The following ZFHX2 variants were observed in gnomAD, a reference collection of about 807,000 sequenced individuals.
The protein encoded by ZFHX2 is zinc finger homeobox protein 2.
ZFHX2 carries 75 observed loss-of-function variants against 164.8 expected under a neutral mutation model. That is an observed-to-expected ratio of 0.46 (90% CI 0.38 to 0.55). The LOEUF is 0.55. ZFHX2 is among the 20% of genes least tolerant of loss of function. The pLI is 0.00. For synonymous variants in ZFHX2, 1,217 were observed against 1,351.4 expected (o/e 0.90, Z 2.18); for missense variants, 2,933 against 3,308.0 (o/e 0.89, Z 2.78).
At chr14:23,542,334 C>G (rs537459629) in intron 1 of ZFHX2, 1 of 151,880 alleles carries the variant, frequency 6.6e-6, no homozygotes, top group East Asian at 1.9e-4. Flanking sequence ...AGGGAGCAGA[C>G]AGGAGGAGAA....
At chr14:23,548,831 T>C (rs1037875587) in intron 1 of ZFHX2, among the ~76,000 whole-genome samples, 1 of 152,200 alleles carries the variant, frequency 6.6e-6, no homozygotes, top group Non-Finnish European at 1.5e-5. Context: ...GTGCTATGCT[T>C]TTTTTCCAAC....
At chr14:23,544,352 T>C (rs536266456) in intron 1 of ZFHX2, 10 of 151,868 alleles carry the variant, frequency 6.6e-5, no homozygotes, top group Admixed American at 3.9e-4. Flanking sequence ...ATCATTGAGA[T>C]TGGCACTTTG....
upstream of ZFHX2, among the ~76,000 whole-genome samples, chr14:23,552,015 T>C (rs1836324190): frequency 3.3e-5 from 5 of 152,116 alleles, no homozygotes; most frequent in South Asian, 4.1e-4. Context: ...AAACCATACA[T>C]GTGTTTTGTT....
Position 23,524,356 on chromosome 14 carries a change from G to T in ZFHX2, c.5586C>A (p.Thr1862=). The change falls in exon 9 of 10, where the codon ACC becomes ACA. Residue 1862 remains threonine, a synonymous_variant. Coordinates refer to ENST00000419474, the MANE Select transcript of ZFHX2 (RefSeq NM_033400.3). The surrounding 1 kb of genome is among the most constrained non-coding windows in gnomAD (Gnocchi z 5.6). The part of the protein sequence containing the change: ...GEPPRDKRLR[T]TILPEQLEIL... ...TCTCTAGCTGCTCAGGCAAGATGGT[G>T]GTGCGCAGGCGCTTGTCCCTGGGGG... is the stretch of plus-strand genomic sequence containing the variant. 1 of 1,536,264 alleles carries T rather than the reference G, an allele frequency of 6.5e-7. No individual in the cohort carries two copies. The highest frequency in any genetic ancestry group is 8.7e-7 in the Non-Finnish European group (1 of 1,146,936).
At chr14:23,542,937 T>G (rs2138870644) in intron 1 of ZFHX2, 1 of 152,262 alleles carries the variant, frequency 6.6e-6, no homozygotes, top group South Asian at 2.1e-4. Context: ...GGTTTCACCA[T>G]GTTGTCCAGG....
chr14:23,528,933 C>T (rs1879152035), intron 6 of ZFHX2: 33 of 689,730 alleles, frequency 4.8e-5, no homozygotes, highest in Non-Finnish European at 5.7e-5. Flanking sequence ...GATCCAGATG[C>T]TCATCTTAAC....
Position 23,525,771 on chromosome 14 carries a change from C to T in ZFHX2, c.4171G>A (p.Ala1391Thr), listed in dbSNP as rs1224345719. The T allele has an allele frequency of 1.3e-6, 2 of 1,503,200 alleles. No homozygotes were observed. Among genetic ancestry groups the T allele is most frequent in the East Asian group, 2.5e-5 (1 of 40,678 alleles). 93.1% of individuals were successfully genotyped at this position (1,503,200 alleles called of 1,614,324 possible). The stretch of plus-strand genomic sequence containing the variant: ...TGGGGTGGAGGAGGAGGGGTGGCAG[C>T]TGGCAGGGACAGCACAGGTGCAGGC... Reference protein sequence around the residue: ...AGPAPVLSLPAATPPPPPQPP... With the variant: ...AGPAPVLSLPTATPPPPPQPP... The change falls in exon 9 of 10, where the codon GCT becomes ACT. Residue 1391 changes from alanine to threonine, a missense_variant. Transcript: ENST00000419474. This position sits in a 1 kb window ranked among gnomAD's most constrained non-coding sequence, Gnocchi z 5.9.
chr14:23,537,399 G>C (rs183113554), intron 1 of ZFHX2, among the ~76,000 whole-genome samples: 1 of 152,024 alleles, frequency 6.6e-6, no homozygotes, highest in African/African-American at 2.4e-5. Context: ...AGAGTGCTTC[G>C]TGTAAGGGGC....
intron 1 of ZFHX2, among the ~76,000 whole-genome samples, chr14:23,540,045 T>A (rs1367115916): frequency 6.6e-6 from 1 of 152,246 alleles, no homozygotes; most frequent in East Asian, 1.9e-4. Context: ...TGGAGTGCAG[T>A]GTCACCATCT....
chr14:23,545,123 T>TCCTCC (rs1448800172), intron 1 of ZFHX2, among the ~76,000 whole-genome samples: 1 of 151,832 alleles, frequency 6.6e-6, no homozygotes, highest in Non-Finnish European at 1.5e-5. Flanking sequence ...CGGCTCCAGT[T>TCCTCC]CCTCCCCTCC....
chr14:23,535,146 G>C lies in ZFHX2; in HGVS notation c.180C>G (p.Leu60=). Residue 60 remains leucine, a synonymous_variant, in exon 2 of 10, where the codon CTC becomes CTG. Transcript: ENST00000419474. The surrounding 1 kb of genome is among the most constrained non-coding windows in gnomAD (Gnocchi z 4.5). ...NMRSSEPGGQ[L]LESGCGLVPP... ...GGACGAGGCCACAGCCCGACTCCAG[G>C]AGCTGTCCCCCTGGCTCTGAGGACC... is the stretch of plus-strand genomic sequence containing the variant. 6.5e-7 allele frequency: 1 copy of C among 1,536,028 alleles called. No individual in the cohort carries two copies. The highest frequency in any genetic ancestry group is 1.4e-5 in the African/African-American group (1 of 73,176).
In ZFHX2 at chr14:23,522,119, C is replaced by T. The variant is rs1326611029; in HGVS notation, c.7562G>A (p.Arg2521His). Residue 2521 changes from arginine to histidine, a missense_variant, in exon 10 of 10, where the codon CGC becomes CAC. Transcript: ENST00000419474. ...GCCCCCTTGAGGTGGGGCTGCCTTG[C>T]GCCTGTGGGCCGAGGAGCGCAGGTG... ...ASHLRSSAHR[R>H]KAAPPQGGPP... 30 of 1,531,970 alleles carry T rather than the reference C, an allele frequency of 2.0e-5. No individual in the cohort carries two copies. The highest frequency in any genetic ancestry group is 1.1e-4 in the South Asian group (9 of 83,428). 94.9% of individuals were successfully genotyped at this position (1,531,970 alleles called of 1,614,324 possible).
Position 23,533,684 on chromosome 14 carries a change from T to C in ZFHX2, c.1642A>G (p.Ser548Gly). 6.5e-7 allele frequency: 1 copy of C among 1,538,636 alleles called. No homozygotes were observed. Among genetic ancestry groups the C allele is most frequent in the Non-Finnish European group, 8.7e-7 (1 of 1,148,060 alleles). Reference sequence around the variant, plus strand: ...GGTGGGAGTGATGCCTCTGGTGGACTTCCCTGCCCACCAGGGCCCGCCTGG... The same window carrying C: ...GGTGGGAGTGATGCCTCTGGTGGACCTCCCTGCCCACCAGGGCCCGCCTGG... ...GFQAGPGGQGSPPEASLPPSA... is the reference protein window; with the variant it reads ...GFQAGPGGQGGPPEASLPPSA... Residue 548 changes from serine to glycine, a missense_variant, in exon 2 of 10, where the codon AGT becomes GGT. Physicochemically the swap from Ser to Gly is moderately conservative, Grantham distance 56. Coordinates refer to ENST00000419474, the MANE Select transcript of ZFHX2 (RefSeq NM_033400.3). The surrounding 1 kb of genome is among the most constrained non-coding windows in gnomAD (Gnocchi z 4.8).
At position 23,526,378 on chromosome 14, in the gene ZFHX2, G is replaced by C; in HGVS notation, c.3564C>G (p.Ala1188=). 1.3e-6 allele frequency: 2 copies of C among 1,536,380 alleles called. No homozygotes were observed. Among genetic ancestry groups the C allele is most frequent in the Non-Finnish European group, 1.7e-6 (2 of 1,146,900 alleles). ...TACACACAGTGCACTTATAGGGCCG[G>C]GCAGGGTCGAGAAACTTGTCCAGGG... is the stretch of plus-strand genomic sequence containing the variant. ...NFALDKFLDP[A]RPYKCTVCKE... Residue 1188 remains alanine, a synonymous_variant, in exon 9 of 10, where the codon GCC becomes GCG. Coordinates refer to ENST00000419474, the MANE Select transcript of ZFHX2 (RefSeq NM_033400.3).
In ZFHX2 at chr14:23,525,618, C is replaced by T. The variant is rs774351010; in HGVS notation, c.4324G>A (p.Ala1442Thr). 6.5e-7 allele frequency: 1 copy of T among 1,535,844 alleles called. No homozygotes were observed. The highest frequency in any genetic ancestry group is 1.2e-5 in the South Asian group (1 of 84,064). Reference sequence around the variant, plus strand: ...TCAAAGCCAAAGTTTTCTAGAAGGGCTTTGGCTGCAGTGCGGGCAGCCTCG... The same window carrying T: ...TCAAAGCCAAAGTTTTCTAGAAGGGTTTTGGCTGCAGTGCGGGCAGCCTCG... ...PNEAARTAAK[A>T]LLENFGFELV... The change falls in exon 9 of 10, where the codon GCC (alanine) becomes ACC (threonine). Residue 1442 changes from alanine to threonine, a missense_variant. Physicochemically the swap from Ala to Thr is moderately conservative, Grantham distance 58. Coordinates refer to ENST00000419474, the MANE Select transcript of ZFHX2 (RefSeq NM_033400.3). The surrounding 1 kb of genome is among the most constrained non-coding windows in gnomAD (Gnocchi z 5.9).
rs1358516938 is a variant in ZFHX2 at position 23,546,366 on chromosome 14, G to T, written c.-50+4977C>A. ...AGACTTTGGGGTAAAAAATGCTGAG[G>T]GGTGCTGAGCATCTCAGTAGAAATT... On this transcript the variant is annotated intron_variant, in intron 1 of 9. Transcript: ENST00000419474. The surrounding 1 kb of genome is among the most constrained non-coding windows in gnomAD (Gnocchi z 4.7). Among the ~76,000 whole-genome samples, 1 of 152,124 alleles carries T rather than the reference G, an allele frequency of 6.6e-6. No homozygotes were observed. Among genetic ancestry groups the T allele is most frequent in the Non-Finnish European group, 1.5e-5 (1 of 68,018 alleles).
chr14:23,525,787 AG>A lies in ZFHX2; in HGVS notation c.4154del (p.Pro1385LeufsTer60). On this transcript the variant is annotated frameshift_variant, in exon 9 of 10. Coordinates refer to ENST00000419474, the MANE Select transcript of ZFHX2 (RefSeq NM_033400.3). LOFTEE classifies it high-confidence loss of function. The surrounding 1 kb of genome is among the most constrained non-coding windows in gnomAD (Gnocchi z 5.9). ...GPKLTLAGPA[P>X]VLSLPAATPP... is the part of the protein sequence containing the mutation. ...GGGTGGCAGCTGGCAGGGACAGCAC[AG>A]GTGCAGGCCCAGCTAGTGTCAGCTT... 5 of 1,495,772 alleles carry A rather than the reference AG, an allele frequency of 3.3e-6. No individual in the cohort carries two copies. The highest frequency in any genetic ancestry group is 4.4e-6 in the Non-Finnish European group (5 of 1,126,604). The allele number at this position is 1,495,772 out of a possible 1,614,324, so 92.7% of individuals were successfully genotyped here.
chr14:23,530,068 CG>C (rs1376378031), intron 5 of ZFHX2, 51 bp downstream of exon 5: 15 of 1,462,332 alleles, frequency 1.0e-5, no homozygotes, highest in Non-Finnish European at 1.3e-5. Flanking sequence ...TGCAAGGTCC[CG>C]TGAGCGTCTC....
In ZFHX2 at chr14:23,533,650, C is replaced by T. The variant is rs1470369228; in HGVS notation, c.1676G>A (p.Gly559Glu). 4.6e-6 allele frequency: 7 copies of T among 1,536,956 alleles called. No homozygotes were observed. In the African/African-American group the frequency reaches 6.8e-5, roughly 15 times the overall value. ...TGATTTGGTCTTAGGCTCTTTGTCTCCCGCGGAGGGTGGGAGTGATGCCTC... is the reference window on the plus strand; with the variant it reads ...TGATTTGGTCTTAGGCTCTTTGTCTTCCGCGGAGGGTGGGAGTGATGCCTC... The part of the protein sequence containing the change: ...PPEASLPPSA[G>E]DKEPKTKSSW... Residue 559 changes from glycine to glutamate, a missense_variant, in exon 2 of 10, where the codon GGA (glycine) becomes GAA (glutamate). Transcript: ENST00000419474. The surrounding 1 kb of genome is among the most constrained non-coding windows in gnomAD (Gnocchi z 4.8).
Sources: allele counts gnomAD v4.1 joint callset (sites outside exome capture counted in the v4.1 genomes callset), GRCh38; gene constraint gnomAD v4.1.1; non-coding constraint Gnocchi (gnomAD v3.1); transcripts MANE v1.5; gene names NCBI Gene and HGNC (gene_info 2026-07-23, HGNC 2026-07-21).